The following INPP4B variants were observed in gnomAD, a reference collection of about 807,000 sequenced individuals.
INPP4B encodes the protein inositol polyphosphate-4-phosphatase type II B, also known as inositol polyphosphate 4-phosphatase type II.
Under a neutral mutation model 122.5 loss-of-function variants are expected in INPP4B, and 55 were observed. The ratio of observed to expected loss-of-function variants is 0.45; its 90% confidence interval spans 0.36 to 0.56. INPP4B has a LOEUF of 0.56. Ranked by LOEUF, INPP4B falls within the 20% of genes least tolerant of loss-of-function variation. The pLI, the probability that INPP4B is intolerant of heterozygous loss-of-function variation, is 0.00. For synonymous variants in INPP4B, 403 were observed against 388.7 expected, an observed-to-expected ratio of 1.04 and a Z score of -0.43; for missense variants, 1,000 against 1,097.7, an observed-to-expected ratio of 0.91 and a Z score of 1.26.
chr4:142,733,057 T>C (rs1424141556), intron 1 of INPP4B, among the ~76,000 whole-genome samples: 13 of 152,106 alleles, frequency 8.5e-5, no homozygotes, highest in Admixed American at 8.5e-4. Flanking sequence ...AGTTTGACAA[T>C]GTAGAACAGT....
chr4:142,098,028 G>C (rs952947105), intron 23 of INPP4B, among the ~76,000 whole-genome samples: 1 of 152,110 alleles, frequency 6.6e-6, no homozygotes, highest in East Asian at 1.9e-4. Context: ...AAGAGAGAAG[G>C]GTTCCAGCGG....
chr4:142,548,898 C>T (rs1294532575), intron 2 of INPP4B, among the ~76,000 whole-genome samples: 1 of 151,982 alleles, frequency 6.6e-6, no homozygotes, highest in African/African-American at 2.4e-5. Context: ...GGCCCAAAGT[C>T]ACCATTGTGA....
At chr4:142,303,500 C>T (rs1030305010) in intron 9 of INPP4B, among the ~76,000 whole-genome samples, 1 of 152,062 alleles carries the variant, frequency 6.6e-6, no homozygotes, top group South Asian at 2.1e-4. Flanking sequence ...TGACCTAAGG[C>T]TCTTCTAACT....
intron 2 of INPP4B, among the ~76,000 whole-genome samples, chr4:142,688,387 A>G (rs1759679161): frequency 6.6e-6 from 1 of 152,128 alleles, no homozygotes; most frequent in Non-Finnish European, 1.5e-5. Context: ...ATCATTCTGC[A>G]CATGTTATTT....
At chr4:142,313,306 A>C (rs749593612) in intron 8 of INPP4B, among the ~76,000 whole-genome samples, 6 of 152,204 alleles carry the variant, frequency 3.9e-5, no homozygotes, top group Non-Finnish European at 5.9e-5. Flanking sequence ...CACAGGAGAA[A>C]AAAATTAAAC....
chr4:142,120,131 T>C (rs1410246747), intron 21 of INPP4B, among the ~76,000 whole-genome samples: 1 of 152,076 alleles, frequency 6.6e-6, no homozygotes, highest in Non-Finnish European at 1.5e-5. Context: ...CCTTGGCAGC[T>C]TTGTTTAAAA....
chr4:142,211,445 T>C (rs1844855343), intron 12 of INPP4B, among the ~76,000 whole-genome samples: 1 of 152,120 alleles, frequency 6.6e-6, no homozygotes, highest in South Asian at 2.1e-4. Context: ...ATTAAAACCT[T>C]TCCTTGGCAT....
rs188953816 is a variant in INPP4B at position 142,719,474 on chromosome 4, G to A, written c.-191+6365C>T. Among the ~76,000 whole-genome samples the A allele has an allele frequency of 7.2e-4, 109 of 151,822 alleles. 1 individual carries two copies. Among genetic ancestry groups the A allele is most frequent in the Admixed American group, 3.9e-3 (59 of 15,228 alleles). ...TGAGTAGCTAGGACTACAGGTGCCC[G>A]TCACATGCCCAGCTAATTTTTGTAT... On this transcript the variant is annotated intron_variant, in intron 2 of 25. Coordinates refer to ENST00000262992, the MANE Select transcript of INPP4B (RefSeq NM_001101669.3).
chr4:142,475,290 A>AAAC lies in INPP4B; in HGVS notation c.-190-12565_-190-12564insGTT, dbSNP rs1580160911. The stretch of plus-strand genomic sequence containing the variant: ...GAATATAAAAGCAAATAAACAAAAA[A>AAAC]CCCCCAAAAAACAAAACAAAAACAA... On this transcript the variant is annotated intron_variant, in intron 2 of 25. Coordinates refer to ENST00000262992, the MANE Select transcript of INPP4B (RefSeq NM_001101669.3). Among the ~76,000 whole-genome samples, 3 of 151,778 alleles carry AAAC rather than the reference A, an allele frequency of 2.0e-5. No individual in the cohort carries two copies. The South Asian group carries it at 6.2e-4, about 32-fold the overall frequency.
At chr4:142,815,370 A>G (rs1779994665) in intron 1 of INPP4B, among the ~76,000 whole-genome samples, 2 of 152,218 alleles carry the variant, frequency 1.3e-5, no homozygotes, top group African/African-American at 4.8e-5. Flanking sequence ...CAAATGTACC[A>G]TACTAATGTA....
intron 2 of INPP4B, among the ~76,000 whole-genome samples, chr4:142,713,329 A>T (rs934582684): frequency 6.6e-6 from 1 of 152,246 alleles, no homozygotes; most frequent in Non-Finnish European, 1.5e-5. Context: ...AGAGATAGAA[A>T]TATGGAAGTC....
rs991970226 is a variant in INPP4B at position 142,415,867 on chromosome 4, G to A, written c.137-10543C>T. ...TGTCCTTTGTAGGGACATGGATGAAGCTGGAAACCATCATTCTCAGCAAAC... is the reference window on the plus strand; with the variant it reads ...TGTCCTTTGTAGGGACATGGATGAAACTGGAAACCATCATTCTCAGCAAAC... On this transcript the variant is annotated intron_variant, in intron 5 of 25. Coordinates refer to ENST00000262992, the MANE Select transcript of INPP4B (RefSeq NM_001101669.3). Among the ~76,000 whole-genome samples, 8 of 152,140 alleles carry A rather than the reference G, an allele frequency of 5.3e-5. No homozygotes were observed. In the South Asian group the frequency reaches 1.2e-3, roughly 24 times the overall value.
intron 12 of INPP4B, among the ~76,000 whole-genome samples, chr4:142,217,441 A>C (rs1165647249): frequency 6.6e-6 from 1 of 152,188 alleles, no homozygotes; most frequent in Non-Finnish European, 1.5e-5. Context: ...TTTTCCTAAA[A>C]TTTAGGATAA....
At chr4:142,691,390 G>A (rs1389200142) in intron 2 of INPP4B, among the ~76,000 whole-genome samples, 7 of 150,552 alleles carry the variant, frequency 4.6e-5, no homozygotes, top group East Asian at 1.9e-4. Context: ...CCTATGTTTC[G>A]AAAACAGATG....
intron 15 of INPP4B, among the ~76,000 whole-genome samples, chr4:142,185,621 G>A (rs1055928156): frequency 2.6e-5 from 4 of 151,764 alleles, no homozygotes; most frequent in African/African-American, 9.7e-5. Context: ...GGCTCATGCC[G>A]GTAATCCTAG....
At chr4:142,424,105 T>G (rs1258018968) in intron 5 of INPP4B, among the ~76,000 whole-genome samples, 1 of 152,050 alleles carries the variant, frequency 6.6e-6, no homozygotes, top group Non-Finnish European at 1.5e-5. Context: ...TTCCTCTAAT[T>G]ATTCTAATCC....
intron 23 of INPP4B, among the ~76,000 whole-genome samples, chr4:142,104,914 A>AT (rs1388674572): frequency 1.3e-5 from 2 of 151,950 alleles, no homozygotes; most frequent in African/African-American, 2.4e-5. Flanking sequence ...ATTTATTTTT[A>AT]TTTTTTTCAA....
chr4:142,222,139 T>C (rs1286762202), intron 12 of INPP4B, among the ~76,000 whole-genome samples: 1 of 152,192 alleles, frequency 6.6e-6, no homozygotes, highest in Non-Finnish European at 1.5e-5. Flanking sequence ...TTTGTAGTTT[T>C]AGTAGAGACA....
intron 2 of INPP4B, among the ~76,000 whole-genome samples, chr4:142,563,002 C>T (rs539862326): frequency 1.8e-4 from 28 of 152,294 alleles, no homozygotes; most frequent in African/African-American, 6.7e-4. Flanking sequence ...TCTCACCCTA[C>T]CAGTAAAGAG....
Sources: gnomAD v4.1 joint callset for allele counts (sites outside exome capture counted in the v4.1 genomes callset) on GRCh38, gnomAD v4.1.1 for gene constraint, MANE v1.5 for transcripts, NCBI Gene and HGNC (gene_info 2026-07-23, HGNC 2026-07-21) for gene names.